The following OCA2 variants were observed in gnomAD, a reference collection of about 807,000 sequenced individuals.
The protein encoded by OCA2 is OCA2 melanosomal transmembrane protein.
In OCA2, 77 loss-of-function variants were observed where a neutral mutation model predicts 100.2. That is an observed-to-expected ratio of 0.77 (90% CI 0.64 to 0.93). OCA2 has a LOEUF of 0.93. Ranked by LOEUF, OCA2 falls within the 40% of genes least tolerant of loss-of-function variation. OCA2 has a pLI of 0.00. For missense variants in OCA2, 1,062 were observed against 1,089.1 expected (o/e 0.98, Z 0.35); for synonymous variants, 432 against 439.2 (o/e 0.98, Z 0.21).
chr15:27,763,568 G>T (rs571030224), intron 23 of OCA2, among the ~76,000 whole-genome samples: 59 of 152,372 alleles, frequency 3.9e-4, no homozygotes, highest in African/African-American at 1.4e-3. Context: ...CATTAGGGAA[G>T]TGGGCAATGA....
chr15:27,897,808 C>T (rs977884240), intron 19 of OCA2, among the ~76,000 whole-genome samples: 1 of 152,196 alleles, frequency 6.6e-6, no homozygotes, highest in African/African-American at 2.4e-5. Flanking sequence ...ACACTCAACA[C>T]TCAACCAGCC....
At chr15:28,064,886 C>T (rs1444117625) in intron 2 of OCA2, among the ~76,000 whole-genome samples, 1 of 149,726 alleles carries the variant, frequency 6.7e-6, no homozygotes, top group Non-Finnish European at 1.5e-5. Flanking sequence ...GTTGTTGAAA[C>T]ACTTTGTTGT....
At chr15:28,091,855 CTGAAGCAGGAGAATCATT>C (rs2044875716) in intron 1 of OCA2, among the ~76,000 whole-genome samples, 1 of 152,112 alleles carries the variant, frequency 6.6e-6, no homozygotes, top group South Asian at 2.1e-4. Context: ...ACTTGGGAGG[CTGAAGCAGGAGAATCATT>C]TAAATCCAGG....
At chr15:27,808,237 G>T (rs1189299378) in intron 23 of OCA2, among the ~76,000 whole-genome samples, 1 of 152,242 alleles carries the variant, frequency 6.6e-6, no homozygotes, top group Admixed American at 6.5e-5. Context: ...ACTCCCACGT[G>T]TGCAGCAGGG....
intron 23 of OCA2, among the ~76,000 whole-genome samples, chr15:27,778,339 G>A (rs576012593): frequency 3.3e-5 from 5 of 152,290 alleles, no homozygotes; most frequent in East Asian, 1.9e-4. Flanking sequence ...GAGCTCATAC[G>A]CACCAGGAGA....
At chr15:27,966,868 G>A in intron 14 of OCA2, 46 bp from the exon 15 acceptor site, 1 of 1,571,804 alleles carries the variant, frequency 6.4e-7, no homozygotes, top group Non-Finnish European at 8.6e-7. Context: ...AGGCATGGTG[G>A]CTCACGCCTG....
Position 27,895,775 on chromosome 15 carries a change from G to A in OCA2, c.2080-23853C>T, listed in dbSNP as rs949344265. 4 of 366,176 alleles carry A rather than the reference G, an allele frequency of 1.1e-5. No homozygotes were observed. In the Admixed American group the frequency reaches 1.3e-4, roughly 12 times the overall value. The allele number at this position is 366,176 out of a possible 1,614,324, so 22.7% of individuals were successfully genotyped here. On this transcript the variant is annotated intron_variant, in intron 19 of 23. Transcript: ENST00000354638. The stretch of plus-strand genomic sequence containing the variant: ...TCAAGCGAAATTTAGAAGACGGCAA[G>A]AGGGTGAAACTGAGTATTATGCTTG...
intron 23 of OCA2, among the ~76,000 whole-genome samples, chr15:27,806,823 G>A (rs1395340205): frequency 1.3e-5 from 2 of 152,272 alleles, no homozygotes; most frequent in African/African-American, 4.8e-5. Flanking sequence ...ACAGCTGGCA[G>A]ATGGCAAGGG....
chr15:27,730,590 T>A, the OCA2 span, among the ~76,000 whole-genome samples: 12 of 135,438 alleles, frequency 8.9e-5, no homozygotes, highest in Admixed American at 7.6e-4. Flanking sequence ...CGCCTTGGTG[T>A]TGCTGGCAGC....
chr15:27,870,628 T>C (rs2036508696), intron 21 of OCA2, among the ~76,000 whole-genome samples: 1 of 147,364 alleles, frequency 6.8e-6, no homozygotes, highest in South Asian at 2.1e-4. Context: ...CAAATGAAGA[T>C]GCAAGTCTCT....
intron 19 of OCA2, among the ~76,000 whole-genome samples, chr15:27,904,982 G>A (rs1350532280): frequency 1.3e-5 from 2 of 152,136 alleles, no homozygotes; most frequent in African/African-American, 4.8e-5. Flanking sequence ...TGGCCAACAT[G>A]GCAAAACCTC....
chr15:27,809,926 G>A (rs2034007012), intron 23 of OCA2, among the ~76,000 whole-genome samples: 1 of 152,176 alleles, frequency 6.6e-6, no homozygotes, highest in Admixed American at 6.5e-5. Flanking sequence ...TCAATATTGT[G>A]AAAATGACCA....
At chr15:27,778,620 T>C (rs2032374572) in intron 23 of OCA2, among the ~76,000 whole-genome samples, 1 of 151,266 alleles carries the variant, frequency 6.6e-6, no homozygotes, top group Non-Finnish European at 1.5e-5. Flanking sequence ...TGTGGTCCTG[T>C]CAGAGGTCAA....
chr15:27,936,800 G>C (rs1354526095), intron 18 of OCA2, among the ~76,000 whole-genome samples: 1 of 152,174 alleles, frequency 6.6e-6, no homozygotes, highest in Non-Finnish European at 1.5e-5. Flanking sequence ...AAAGCTCGGA[G>C]TGAAGCTAAT....
Position 28,062,539 on chromosome 15 carries a change from C to T in OCA2, c.227+19109G>A, listed in dbSNP as rs550191116. On this transcript the variant is annotated intron_variant, in intron 2 of 23. Coordinates refer to ENST00000354638, the MANE Select transcript of OCA2 (RefSeq NM_000275.3). ...GTCTTTCCACTTCTTGACAGTGTCC[C>T]TTTTATTCACAAAAGTTTTTCTTTT... Among the ~76,000 whole-genome samples, 19 of 152,266 alleles carry T rather than the reference C, an allele frequency of 1.2e-4. No individual in the cohort carries two copies. The South Asian group carries it at 3.7e-3, about 30-fold the overall frequency.
Position 28,070,972 on chromosome 15 carries a change from G to A in OCA2, c.227+10676C>T, listed in dbSNP as rs1337618619. Among the ~76,000 whole-genome samples, 14 of 145,352 alleles carry A rather than the reference G, an allele frequency of 9.6e-5. No individual in the cohort carries two copies. The South Asian group carries it at 2.8e-3, about 29-fold the overall frequency. On this transcript the variant is annotated intron_variant, in intron 2 of 23. Transcript: ENST00000354638. The stretch of plus-strand genomic sequence containing the variant: ...ACAGATGCTTGAAGGCAGCATGCTC[G>A]TTAAGAGTCATCACCAATCCCTAAT...
At chr15:27,992,111 T>C (rs898937995) in intron 9 of OCA2, among the ~76,000 whole-genome samples, 1 of 152,168 alleles carries the variant, frequency 6.6e-6, no homozygotes, top group Non-Finnish European at 1.5e-5. Context: ...GACGCTTTTT[T>C]TTTTTTTGAG....
intron 23 of OCA2, among the ~76,000 whole-genome samples, chr15:27,843,687 G>A (rs1045513090): frequency 1.5e-4 from 23 of 152,124 alleles, no homozygotes; most frequent in Non-Finnish European, 1.5e-4. Flanking sequence ...TCAAATTAAT[G>A]CCTCAGCAAA....
chr15:27,873,240 G>A (rs933247386), intron 19 of OCA2, among the ~76,000 whole-genome samples: 1 of 152,168 alleles, frequency 6.6e-6, no homozygotes, highest in Non-Finnish European at 1.5e-5. Flanking sequence ...ATGTTGCGTA[G>A]CAGCCCTGGC....
Sources: gnomAD v4.1 joint callset for allele counts (sites outside exome capture counted in the v4.1 genomes callset) on GRCh38, gnomAD v4.1.1 for gene constraint, MANE v1.5 for transcripts, NCBI Gene and HGNC (gene_info 2026-07-23, HGNC 2026-07-21) for gene names.